Variants in KCNG2 observed in about 807,000 individuals in gnomAD.
KCNG2 encodes the protein potassium voltage-gated channel modifier subfamily G member 2.
KCNG2 carries 7 observed loss-of-function variants against 12.3 expected under a neutral mutation model. That is an observed-to-expected ratio of 0.57 (90% CI 0.32 to 1.07). The LOEUF (loss-of-function observed/expected upper bound fraction) is 1.07, where lower values mean the gene tolerates loss of function less well. Ranked by LOEUF, KCNG2 falls within the 50% of genes least tolerant of loss-of-function variation. The pLI, the probability that KCNG2 is intolerant of heterozygous loss-of-function variation, is 0.04. For synonymous variants in KCNG2, 414 were observed against 351.4 expected (o/e 1.18, Z -1.99); for missense variants, 703 against 726.0 (o/e 0.97, Z 0.36).
intron 2 of KCNG2, among the ~76,000 whole-genome samples, chr18:79,863,325 T>G (rs550332142): frequency 1.3e-5 from 2 of 152,334 alleles, no homozygotes; most frequent in East Asian, 3.9e-4. Context: ...GGAGTTTGCG[T>G]CGATTTGTGA....
intron 1 of KCNG2, among the ~76,000 whole-genome samples, chr18:79,798,497 G>A (rs1231588848): frequency 6.6e-6 from 1 of 152,210 alleles, no homozygotes; most frequent in African/African-American, 2.4e-5. Flanking sequence ...GAGAGCGGGC[G>A]GGGTGTGGGC....
At chr18:79,888,574 C>T (rs1485135765) in intron 3 of KCNG2, among the ~76,000 whole-genome samples, 6 of 152,074 alleles carry the variant, frequency 3.9e-5, no homozygotes, top group Middle Eastern at 3.4e-3. Flanking sequence ...CGTCCTCCTC[C>T]TGAAGCCGCT....
At chr18:79,825,116 T>C (rs914776630) in intron 1 of KCNG2, among the ~76,000 whole-genome samples, 2 of 152,136 alleles carry the variant, frequency 1.3e-5, no homozygotes, top group African/African-American at 4.8e-5. Context: ...CAGTAGTAAC[T>C]TTCTGTTTCT....
At chr18:79,802,830 T>C (rs1056853677) in intron 1 of KCNG2, among the ~76,000 whole-genome samples, 2 of 152,152 alleles carry the variant, frequency 1.3e-5, no homozygotes, top group Admixed American at 6.5e-5. Flanking sequence ...TTATTTAACA[T>C]CATAGCAATT....
chr18:79,855,132 C>T (rs1599395451), intron 1 of KCNG2, among the ~76,000 whole-genome samples: 2 of 151,472 alleles, frequency 1.3e-5, no homozygotes, highest in African/African-American at 4.9e-5. Context: ...TCTAAAGTTC[C>T]CAGGAGGCTG....
intron 3 of KCNG2, among the ~76,000 whole-genome samples, chr18:79,890,742 G>A (rs1310223452): frequency 6.6e-6 from 1 of 152,182 alleles, no homozygotes; most frequent in African/African-American, 2.4e-5. Flanking sequence ...TTCTGACTGA[G>A]TCTCTTCACT....
intron 1 of KCNG2, among the ~76,000 whole-genome samples, chr18:79,828,657 G>A (rs1282322069): frequency 6.6e-6 from 1 of 151,982 alleles, no homozygotes. Context: ...GTCTGTGTGT[G>A]CCTGTGTGTG....
rs1392057016 is a variant in KCNG2 at position 79,803,420 on chromosome 18, A to C, written c.-115+5406A>C. The stretch of plus-strand genomic sequence containing the variant: ...TTTTCCCTTGTTTTCTGCCAAAAGA[A>C]AAGACATCTTCTAGAAGAGGGAAGA... On this transcript the variant is annotated intron_variant, in intron 1 of 3. Transcript: ENST00000316249. This position sits in a 1 kb window ranked among gnomAD's most constrained non-coding sequence, Gnocchi z 4.5. Among the ~76,000 whole-genome samples the C allele has an allele frequency of 6.6e-6, 1 of 152,256 alleles. No homozygotes were observed. Among genetic ancestry groups the C allele is most frequent in the Non-Finnish European group, 1.5e-5 (1 of 68,050 alleles).
intron 3 of KCNG2, among the ~76,000 whole-genome samples, chr18:79,891,956 G>A (rs1396485271): frequency 6.6e-6 from 1 of 151,996 alleles, no homozygotes; most frequent in African/African-American, 2.4e-5. Context: ...TATTGAAAGT[G>A]CAGTATTAAT....
chr18:79,815,784 C>A (rs1201049379), intron 1 of KCNG2, among the ~76,000 whole-genome samples: 1 of 152,208 alleles, frequency 6.6e-6, no homozygotes, highest in Non-Finnish European at 1.5e-5. Flanking sequence ...GTCCCCTGCT[C>A]CCTGAAGCAG....
Position 79,899,424 on chromosome 18 carries a change from G to A in KCNG2, c.1009G>A (p.Ala337Thr), listed in dbSNP as rs1244252497. The A allele has an allele frequency of 3.1e-6, 5 of 1,589,384 alleles. No homozygotes were observed. The highest frequency in any genetic ancestry group is 1.8e-5 in the Admixed American group (1 of 57,120). Reference protein sequence around the residue: ...LFLCVAMALFAPLVHLAEREL... With the variant: ...LFLCVAMALFTPLVHLAEREL... ...CCTCTGCGTGGCCATGGCGCTCTTC[G>A]CGCCACTGGTGCACCTGGCCGAGCG... Residue 337 changes from alanine to threonine, a missense_variant, in exon 4 of 4, where the codon GCG (alanine) becomes ACG (threonine). Physicochemically the swap from Ala to Thr is moderately conservative, Grantham distance 58. Transcript: ENST00000316249.
At chr18:79,816,638 C>G (rs892490290) in intron 1 of KCNG2, 2 of 152,184 alleles carry the variant, frequency 1.3e-5, no homozygotes, top group Non-Finnish European at 2.9e-5. Context: ...GCTATTAGGG[C>G]GTGCAAATGG....
chr18:79,806,963 C>G (rs1444137452), intron 1 of KCNG2, among the ~76,000 whole-genome samples: 22 of 152,164 alleles, frequency 1.4e-4, no homozygotes. Flanking sequence ...TGTGTGGGGT[C>G]TCAGATTTCC....
chr18:79,818,737 C>T (rs1568244637), intron 1 of KCNG2, among the ~76,000 whole-genome samples: 1 of 152,154 alleles, frequency 6.6e-6, no homozygotes, highest in Non-Finnish European at 1.5e-5. Flanking sequence ...GAGAGACGTC[C>T]GTGTCCTGAG....
intron 3 of KCNG2, among the ~76,000 whole-genome samples, chr18:79,885,621 G>A (rs1038911785): frequency 1.1e-4 from 16 of 152,228 alleles, no homozygotes; most frequent in Non-Finnish European, 2.1e-4. Context: ...GGGCTTGCGT[G>A]GAAGGCAGCA....
intron 1 of KCNG2, among the ~76,000 whole-genome samples, chr18:79,798,948 G>A (rs1161156522): frequency 2.0e-5 from 3 of 152,172 alleles, no homozygotes; most frequent in South Asian, 2.1e-4. Context: ...CCTGGCTCCC[G>A]GGGTCTCCCC....
chr18:79,835,460 G>C (rs550043211), intron 1 of KCNG2, among the ~76,000 whole-genome samples: 2 of 152,316 alleles, frequency 1.3e-5, no homozygotes, highest in African/African-American at 2.4e-5. Context: ...ATGAGAAATA[G>C]TCTCAGCAAA....
chr18:79,829,784 C>T (rs1413736968), intron 1 of KCNG2, among the ~76,000 whole-genome samples: 2 of 152,224 alleles, frequency 1.3e-5, no homozygotes, highest in African/African-American at 4.8e-5. Flanking sequence ...CCAGGGCAGC[C>T]TGGTTGGCCT....
Position 79,850,628 on chromosome 18 carries a change from T to A in KCNG2, c.-114-5751T>A, listed in dbSNP as rs1172929878. Among the ~76,000 whole-genome samples the A allele has an allele frequency of 3.3e-5, 5 of 152,230 alleles. 1 individual carries two copies. The highest frequency in any genetic ancestry group is 4.8e-5 in the African/African-American group (2 of 41,472). On this transcript the variant is annotated intron_variant, in intron 1 of 3. Transcript: ENST00000316249. ...TGAGCCTTCTCTTCTTTCCCCTCGA[T>A]TCTGTTATTGTTTCCTTTCCTGCTC...
Sources: allele counts gnomAD v4.1 joint callset (sites outside exome capture counted in the v4.1 genomes callset), GRCh38; gene constraint gnomAD v4.1.1; non-coding constraint Gnocchi (gnomAD v3.1); transcripts MANE v1.5; gene names NCBI Gene and HGNC (gene_info 2026-07-23, HGNC 2026-07-21).